The following PARVA variants were observed in gnomAD, a reference collection of about 807,000 sequenced individuals.
PARVA encodes alpha-parvin.
PARVA carries 25 observed loss-of-function variants against 52.6 expected under a neutral mutation model. The ratio of observed to expected loss-of-function variants is 0.48; its 90% CI spans 0.35 to 0.66. The LOEUF (loss-of-function observed/expected upper bound fraction) is 0.66. Among genes scored for constraint, PARVA ranks in the 30% least tolerant of loss-of-function variants. The pLI is 0.01. For missense variants in PARVA, 373 were observed against 450.9 expected, an observed-to-expected ratio of 0.83 and a Z score of 1.56; for synonymous variants, 185 against 179.1, an observed-to-expected ratio of 1.03 and a Z score of -0.26.
intron 4 of PARVA, among the ~76,000 whole-genome samples, chr11:12,486,359 C>CTTTG (rs1256900718): frequency 6.6e-6 from 1 of 151,846 alleles, no homozygotes; most frequent in African/African-American, 2.4e-5. Flanking sequence ...CATGGAGAAA[C>CTTTG]TTTGTTTCTA....
chr11:12,520,367 G>GGAA (rs547319901), intron 12 of PARVA, among the ~76,000 whole-genome samples: 9 of 152,336 alleles, frequency 5.9e-5, no homozygotes, highest in African/African-American at 2.2e-4. Flanking sequence ...AGTGAGATTT[G>GGAA]GAAGTAAATG....
intron 1 of PARVA, among the ~76,000 whole-genome samples, chr11:12,402,841 C>T (rs935445789): frequency 1.3e-5 from 2 of 152,218 alleles, no homozygotes; most frequent in African/African-American, 4.8e-5. Context: ...AAGTTGAATG[C>T]CTTTCTCATT....
chr11:12,453,442 A>G (rs1940651146), intron 1 of PARVA, among the ~76,000 whole-genome samples: 1 of 152,124 alleles, frequency 6.6e-6, no homozygotes, highest in African/African-American at 2.4e-5. Flanking sequence ...CTAAGACCTG[A>G]CAGTGAGCTC....
chr11:12,424,795 G>A (rs1940205159), intron 1 of PARVA, among the ~76,000 whole-genome samples: 1 of 152,158 alleles, frequency 6.6e-6, no homozygotes, highest in Non-Finnish European at 1.5e-5. Context: ...GAATGTTATT[G>A]ATGGCCTCAG....
At chr11:12,415,036 TG>T (rs1344501508) in intron 1 of PARVA, among the ~76,000 whole-genome samples, 2 of 152,216 alleles carry the variant, frequency 1.3e-5, no homozygotes, top group African/African-American at 4.8e-5. Context: ...TGGGCACTGG[TG>T]GGCTGGCTTA....
chr11:12,429,389 A>G (rs1198726418), intron 1 of PARVA, among the ~76,000 whole-genome samples: 1 of 152,208 alleles, frequency 6.6e-6, no homozygotes, highest in Non-Finnish European at 1.5e-5. Context: ...ACGTTGGTAA[A>G]TGTTTAACAA....
In PARVA at chr11:12,444,348, G is replaced by A. The variant is rs552094539; in HGVS notation, c.137-29397G>A. ...CCATAAAGATGGGTGTTGAGGGCCA[G>A]AACAGGCAGCTTAGACAATTAATAC... On this transcript the variant is annotated intron_variant, in intron 1 of 12. Transcript: ENST00000334956. Among the ~76,000 whole-genome samples the A allele has an allele frequency of 3.7e-3, 565 of 152,272 alleles. 3 individuals are homozygous for A. The highest frequency in any genetic ancestry group is 4.8e-3 in the Non-Finnish European group (327 of 68,024).
In PARVA at chr11:12,468,208, G is replaced by A. The variant is rs117977407; in HGVS notation, c.137-5537G>A. On this transcript the variant is annotated intron_variant, in intron 1 of 12. Coordinates refer to ENST00000334956, the MANE Select transcript of PARVA (RefSeq NM_018222.5). ...GTAGCACCGTGTGCATTGCATCTGC[G>A]GGCCTACCTTTCCCACCACCTTGAG... is the stretch of plus-strand genomic sequence containing the variant. Among the ~76,000 whole-genome samples the A allele has an allele frequency of 8.0e-3, 1,219 of 152,178 alleles. 13 individuals are homozygous for A. Among genetic ancestry groups the A allele is most frequent in the South Asian group, 0.03 (144 of 4,814 alleles).
chr11:12,496,360 A>AAGAGTGCATGCATGCT, intron 4 of PARVA, 98 bp from the exon 5 acceptor site: 1 of 1,261,106 alleles, frequency 7.9e-7, no homozygotes, highest in Non-Finnish European at 1.1e-6. Context: ...GCATGCATGC[A>AAGAGTGCATGCATGCT]TGAGTGCATG....
At chr11:12,443,344 TG>T (rs1403877419) in intron 1 of PARVA, among the ~76,000 whole-genome samples, 5 of 150,108 alleles carry the variant, frequency 3.3e-5, no homozygotes, top group African/African-American at 1.2e-4. Flanking sequence ...GCTAATTTTT[TG>T]TATTTCAGTA....
intron 1 of PARVA, among the ~76,000 whole-genome samples, chr11:12,383,928 C>G (rs896789900): frequency 6.6e-6 from 1 of 152,106 alleles, no homozygotes; most frequent in African/African-American, 2.4e-5. Context: ...TTGTCCATAG[C>G]CCCTAAAACC....
chr11:12,487,804 C>G (rs556256928), intron 4 of PARVA, among the ~76,000 whole-genome samples: 1 of 152,076 alleles, frequency 6.6e-6, no homozygotes, highest in African/African-American at 2.4e-5. Flanking sequence ...TGGTAGAGAA[C>G]GACTGTGTGT....
At chr11:12,460,652 C>T (rs983593865) in intron 1 of PARVA, among the ~76,000 whole-genome samples, 4 of 152,168 alleles carry the variant, frequency 2.6e-5, no homozygotes, top group African/African-American at 9.7e-5. Context: ...GAGCTGTTTC[C>T]AAGGTTACCT....
chr11:12,507,939 A>G (rs1224593471), intron 6 of PARVA, among the ~76,000 whole-genome samples: 2 of 151,920 alleles, frequency 1.3e-5, no homozygotes, highest in Non-Finnish European at 2.9e-5. Context: ...ATAAACAAGA[A>G]AGAGGATAAG....
At chr11:12,490,071 C>A (rs945593950) in intron 4 of PARVA, among the ~76,000 whole-genome samples, 1 of 151,974 alleles carries the variant, frequency 6.6e-6, no homozygotes, top group African/African-American at 2.4e-5. Context: ...AAAAAATTAG[C>A]CGGGTGTGGT....
chr11:12,462,035 CTT>C (rs1940789137), intron 1 of PARVA, among the ~76,000 whole-genome samples: 1 of 152,094 alleles, frequency 6.6e-6, no homozygotes, highest in Non-Finnish European at 1.5e-5. Context: ...TGTAGTAAAA[CTT>C]CTCTTGTTTA....
chr11:12,396,906 C>CTTCCTTTCTCCTTTCCTT (rs755089491), intron 1 of PARVA, among the ~76,000 whole-genome samples: 12,079 of 148,676 alleles, frequency 0.081, 712 homozygotes, highest in African/African-American at 0.13. Context: ...TTCTTCCTTT[C>CTTCCTTTCTCCTTTCCTT]TCCTTTCCTT....
intron 1 of PARVA, 113 bp from the exon 2 acceptor site, chr11:12,473,632 C>A: frequency 1.3e-6 from 1 of 767,310 alleles, no homozygotes; most frequent in Non-Finnish European, 2.2e-6. Context: ...CAGCTGTAAT[C>A]TACCCTTAGT....
chr11:12,517,540 G>A (rs1941584797), intron 10 of PARVA, 70 bp from the exon 11 acceptor site: 1 of 1,177,308 alleles, frequency 8.5e-7, no homozygotes, highest in Non-Finnish European at 1.2e-6. Flanking sequence ...CACAGAAGTT[G>A]ATGGGCCCCC....
Sources: gnomAD v4.1 joint callset for allele counts (sites outside exome capture counted in the v4.1 genomes callset) on GRCh38, gnomAD v4.1.1 for gene constraint, MANE v1.5 for transcripts, NCBI Gene and HGNC (gene_info 2026-07-23, HGNC 2026-07-21) for gene names.